The following MAD1L1 variants were observed in gnomAD, a reference collection of about 807,000 sequenced individuals.
MAD1L1 encodes the protein mitotic arrest deficient 1 like 1.
Under a neutral mutation model 96.9 loss-of-function variants are expected in MAD1L1, and 95 were observed. The observed-to-expected ratio is 0.98, with a 90% CI of 0.83 to 1.16. The LOEUF is 1.16. MAD1L1 is among the 50% of genes most tolerant of loss of function. MAD1L1 has a pLI of 0.00. For missense variants in MAD1L1, 1,007 were observed against 954.4 expected, an observed-to-expected ratio of 1.06 and a Z score of -0.73; for synonymous variants, 473 against 396.6, an observed-to-expected ratio of 1.19 and a Z score of -2.29.
At chr7:1,948,339 C>G (rs188379203) in intron 16 of MAD1L1, among the ~76,000 whole-genome samples, 1 of 151,982 alleles carries the variant, frequency 6.6e-6, no homozygotes, top group South Asian at 2.1e-4. Flanking sequence ...CCCCAGTGAC[C>G]GTGTGCTGTA....
At chr7:2,207,059 C>G (rs543632390) in intron 10 of MAD1L1, among the ~76,000 whole-genome samples, 109 of 130,130 alleles carry the variant, frequency 8.4e-4, no homozygotes, top group African/African-American at 3.0e-3. Context: ...GCCTGGGCGA[C>G]AGAGTAAGAT....
intron 11 of MAD1L1, among the ~76,000 whole-genome samples, chr7:2,090,683 G>A (rs560578906): frequency 3.9e-5 from 6 of 152,140 alleles, no homozygotes; most frequent in South Asian, 2.1e-4. Context: ...CAGGCCCCCC[G>A]CAGGGTCAGG....
intron 12 of MAD1L1, among the ~76,000 whole-genome samples, chr7:2,054,781 G>A (rs892529845): frequency 2.0e-5 from 3 of 152,228 alleles, no homozygotes; most frequent in African/African-American, 7.2e-5. Flanking sequence ...CGATCCAGGT[G>A]TACGTGGAGG....
At position 2,198,769 on chromosome 7, in the gene MAD1L1, G is replaced by A. The variant is rs115716884; in HGVS notation, c.986+14443C>T. 8.1e-3 allele frequency among the ~76,000 whole-genome samples: 1,236 copies of A among 152,290 alleles called. 16 individuals are homozygous for A. The highest frequency in any genetic ancestry group is 0.028 in the African/African-American group (1,165 of 41,560). ...CTCTTGGTAGCCCCTACTCCTCCAGGTGTTAAAGCAGGTGCCCATGTACAG... is the reference window on the plus strand; with the variant it reads ...CTCTTGGTAGCCCCTACTCCTCCAGATGTTAAAGCAGGTGCCCATGTACAG... On this transcript the variant is annotated intron_variant, in intron 10 of 18. Coordinates refer to ENST00000265854, the MANE Select transcript of MAD1L1 (RefSeq NM_001013836.2).
At chr7:2,065,391 C>T (rs1020826828) in intron 12 of MAD1L1, among the ~76,000 whole-genome samples, 2 of 152,218 alleles carry the variant, frequency 1.3e-5, no homozygotes, top group East Asian at 1.9e-4. Flanking sequence ...ACAGCAGGCC[C>T]AGCCACGTTG....
At chr7:1,898,646 G>A (rs1057101161) in intron 17 of MAD1L1, among the ~76,000 whole-genome samples, 6 of 152,172 alleles carry the variant, frequency 3.9e-5, no homozygotes, top group Admixed American at 3.9e-4. Flanking sequence ...GTAACTCTGA[G>A]AGCCAGACTA....
At chr7:1,956,772 G>A (rs1779746586) in intron 16 of MAD1L1, among the ~76,000 whole-genome samples, 1 of 152,230 alleles carries the variant, frequency 6.6e-6, no homozygotes, top group Admixed American at 6.5e-5. Flanking sequence ...GCCCCATCAG[G>A]TGTTCACCAG....
chr7:1,889,170 G>A (rs1786381547), intron 18 of MAD1L1, among the ~76,000 whole-genome samples: 1 of 152,344 alleles, frequency 6.6e-6, no homozygotes, highest in East Asian at 1.9e-4. Flanking sequence ...GTGAAGCCAT[G>A]TGTCCAGGTC....
intron 18 of MAD1L1, among the ~76,000 whole-genome samples, chr7:1,870,332 GTGAACCTACCGTAACACCTGCCATGC>G (rs1784990684): frequency 9.1e-6 from 1 of 109,684 alleles, no homozygotes; most frequent in Non-Finnish European, 1.9e-5. Context: ...GCCTGCCACG[GTGAACCTACCGTAACACCTGCCATGC>G]TGAACCCAAC....
At chr7:2,084,604 C>T (rs1156899474) in intron 11 of MAD1L1, among the ~76,000 whole-genome samples, 2 of 152,214 alleles carry the variant, frequency 1.3e-5, no homozygotes, top group South Asian at 2.1e-4. Context: ...TCCTGAGCCA[C>T]GGTGGCGGCC....
At chr7:1,857,811 C>T (rs969233623) in intron 18 of MAD1L1, among the ~76,000 whole-genome samples, 1 of 152,234 alleles carries the variant, frequency 6.6e-6, no homozygotes, top group South Asian at 2.1e-4. Context: ...TCTGATGTCC[C>T]AGCCAGTCCT....
intron 14 of MAD1L1, among the ~76,000 whole-genome samples, chr7:1,986,574 G>A (rs1156815229): frequency 8.4e-6 from 1 of 119,340 alleles, no homozygotes; most frequent in East Asian, 3.0e-4. Context: ...TCATGGAGCT[G>A]CCTCCACCCG....
intron 18 of MAD1L1, among the ~76,000 whole-genome samples, chr7:1,823,215 A>T (rs976533764): frequency 1.8e-4 from 28 of 152,014 alleles, no homozygotes; most frequent in Non-Finnish European, 3.4e-4. Flanking sequence ...CACTTAGTTA[A>T]AAAAAAATTT....
At chr7:2,149,770 T>C (rs917593495) in intron 10 of MAD1L1, among the ~76,000 whole-genome samples, 1 of 152,244 alleles carries the variant, frequency 6.6e-6, no homozygotes, top group Non-Finnish European at 1.5e-5. Context: ...GACTCCAATG[T>C]GAAACAGCCG....
At chr7:1,978,683 G>GA (rs1780756186) in intron 15 of MAD1L1, among the ~76,000 whole-genome samples, 1 of 152,084 alleles carries the variant, frequency 6.6e-6, no homozygotes, top group South Asian at 2.1e-4. Flanking sequence ...CTTCCAGGGG[G>GA]AGACATCCAC....
Position 1,868,858 on chromosome 7 carries a change from C to T in MAD1L1, c.1998+29342G>A, listed in dbSNP as rs528368973. Among the ~76,000 whole-genome samples the T allele has an allele frequency of 1.1e-4, 16 of 152,296 alleles. No individual in the cohort carries two copies. The South Asian group carries it at 3.3e-3, about 32-fold the overall frequency. On this transcript the variant is annotated intron_variant, in intron 18 of 18. Coordinates refer to ENST00000265854, the MANE Select transcript of MAD1L1 (RefSeq NM_001013836.2). ...ACACAGGGGCCCAGCGGTGCAAGCCCTGGCACACCAACCCTCTGCATGGAG... is the reference window on the plus strand; with the variant it reads ...ACACAGGGGCCCAGCGGTGCAAGCCTTGGCACACCAACCCTCTGCATGGAG...
chr7:2,090,388 AT>A (rs1321811282), intron 11 of MAD1L1, among the ~76,000 whole-genome samples: 1 of 152,126 alleles, frequency 6.6e-6, no homozygotes, highest in Non-Finnish European at 1.5e-5. Context: ...TTTAAAGTAA[AT>A]TTTGATTTTG....
At chr7:1,920,640 C>T (rs915630166) in intron 17 of MAD1L1, among the ~76,000 whole-genome samples, 6 of 152,102 alleles carry the variant, frequency 3.9e-5, no homozygotes, top group African/African-American at 7.2e-5. Context: ...GTTCCACAGC[C>T]GAGTGGGGGC....
chr7:2,073,055 G>T (rs758272117), intron 11 of MAD1L1, among the ~76,000 whole-genome samples: 1 of 152,186 alleles, frequency 6.6e-6, no homozygotes, highest in Non-Finnish European at 1.5e-5. Flanking sequence ...ACTGGATGTG[G>T]CCTGAGCTGC....
Sources: allele counts gnomAD v4.1 joint callset (sites outside exome capture counted in the v4.1 genomes callset), GRCh38; gene constraint gnomAD v4.1.1; transcripts MANE v1.5; gene names NCBI Gene and HGNC (gene_info 2026-07-23, HGNC 2026-07-21).